The following CLEC12A variants were observed in gnomAD, a reference collection of about 807,000 sequenced individuals.
The protein encoded by CLEC12A is C-type lectin domain family 12 member A.
Under a neutral mutation model 26.5 loss-of-function variants are expected in CLEC12A, and 22 were observed. The observed-to-expected ratio is 0.83, with a 90% confidence interval of 0.59 to 1.19. The LOEUF (loss-of-function observed/expected upper bound fraction) is 1.19. Among genes scored for constraint, CLEC12A ranks in the 50% most tolerant of loss-of-function variants. The probability of loss-of-function intolerance (pLI) is 0.00; values close to 1 mark genes in which losing one functional copy is unlikely to be tolerated. For synonymous variants in CLEC12A, 119 were observed against 101.9 expected (o/e 1.17, Z -1.01); for missense variants, 353 against 315.6 (o/e 1.12, Z -0.90).
chr12:9,988,718 G>A (rs1300359181), downstream of CLEC12A, among the ~76,000 whole-genome samples: 2 of 152,188 alleles, frequency 1.3e-5, no homozygotes, highest in African/African-American at 2.4e-5. Context: ...GAGACAACAG[G>A]TGCTGGAGAG....
the CLEC12A span, among the ~76,000 whole-genome samples, chr12:10,002,958 C>T: frequency 6.6e-6 from 1 of 152,020 alleles, no homozygotes; most frequent in Non-Finnish European, 1.5e-5. Context: ...TAAGACTGAT[C>T]AATATACAGG....
intron 1 of CLEC12A, among the ~76,000 whole-genome samples, chr12:9,955,179 C>T (rs978060903): frequency 5.3e-5 from 8 of 152,136 alleles, no homozygotes; most frequent in South Asian, 2.1e-4. Context: ...CTCTGCCTCC[C>T]GGGTTCACGC....
At chr12:9,964,851 G>A (rs985071146) in intron 1 of CLEC12A, among the ~76,000 whole-genome samples, 9 of 152,220 alleles carry the variant, frequency 5.9e-5, no homozygotes, top group South Asian at 2.1e-4. Flanking sequence ...TGAGGAACAC[G>A]AAAGAAGGAA....
At chr12:9,983,069 G>T (rs1864626006) in intron 5 of CLEC12A, among the ~76,000 whole-genome samples, 2 of 152,016 alleles carry the variant, frequency 1.3e-5, no homozygotes, top group South Asian at 4.1e-4. Flanking sequence ...TGGACACTTA[G>T]GACAGTTCCA....
exon 1 of CLEC12A, chr12:9,951,338 G>T: frequency 1.4e-6 from 1 of 702,966 alleles, no homozygotes; most frequent in South Asian, 1.5e-5. Flanking sequence ...TTTCAAATTT[G>T]ACTTCTGCAT....
chr12:9,982,337 T>C (rs1045153765), intron 5 of CLEC12A, among the ~76,000 whole-genome samples: 2 of 152,090 alleles, frequency 1.3e-5, no homozygotes, highest in Non-Finnish European at 2.9e-5. Flanking sequence ...CTAACAAAAT[T>C]ACAGCAGCCA....
downstream of CLEC12A, among the ~76,000 whole-genome samples, chr12:9,996,018 C>A (rs969732463): frequency 6.6e-6 from 1 of 151,930 alleles, no homozygotes; most frequent in East Asian, 1.9e-4. Context: ...ATGTGAAGGC[C>A]AAATGCTTAT....
rs1344167876 is a variant in CLEC12A at position 9,979,460 on chromosome 12, C to A, written c.315C>A (p.Asn105Lys). The change falls in exon 3 of 6, where the codon AAC (asparagine) becomes AAA (lysine). Residue 105 changes from asparagine to lysine, a missense_variant. Asn to Lys is a moderately conservative substitution (Grantham distance 94, BLOSUM62 0). Transcript: ENST00000304361. ...SNMNISNKIR[N>K]LSTTLQTIAT... Reference sequence around the variant, plus strand: ...TGAATATCTCCAACAAGATCAGGAACCTCTCCACCACACTGCAAACAATAG... The same window carrying A: ...TGAATATCTCCAACAAGATCAGGAAACTCTCCACCACACTGCAAACAATAG... 5 of 1,613,318 alleles carry A rather than the reference C, an allele frequency of 3.1e-6. No homozygotes were observed. The highest frequency in any genetic ancestry group is 1.7e-5 in the Admixed American group (1 of 59,932).
intron 1 of CLEC12A, among the ~76,000 whole-genome samples, chr12:9,959,468 GAAGA>G (rs1565547077): frequency 7.1e-6 from 1 of 140,622 alleles, no homozygotes; most frequent in Non-Finnish European, 1.6e-5. Flanking sequence ...AAAAAAAAAA[GAAGA>G]AAGAAATATT....
chr12:9,975,239 TTGGGAC>T (rs1864291331), intron 1 of CLEC12A, among the ~76,000 whole-genome samples: 2 of 152,154 alleles, frequency 1.3e-5, no homozygotes, highest in Non-Finnish European at 2.9e-5. Flanking sequence ...GAAAGAGACT[TTGGGAC>T]TGGGCAACAG....
the CLEC12A span, among the ~76,000 whole-genome samples, chr12:10,004,936 C>T: frequency 1.3e-5 from 2 of 149,060 alleles, no homozygotes; most frequent in African/African-American, 2.5e-5. Flanking sequence ...CCACGACAGG[C>T]CCCGGTGTGT....
chr12:9,997,660 A>G (rs137925362), downstream of CLEC12A, among the ~76,000 whole-genome samples: 48 of 152,314 alleles, frequency 3.2e-4, no homozygotes, highest in African/African-American at 1.1e-3. Context: ...AAAAATACAT[A>G]CTGATTTCTT....
chr12:9,959,197 T>G (rs1312995606), intron 1 of CLEC12A, among the ~76,000 whole-genome samples: 3 of 152,020 alleles, frequency 2.0e-5, no homozygotes, highest in Non-Finnish European at 4.4e-5. Flanking sequence ...ACTCCTGTGA[T>G]CCCTGCACTT....
chr12:9,984,331 A>G (rs1864686397), intron 5 of CLEC12A: 1 of 152,322 alleles, frequency 6.6e-6, no homozygotes, highest in Admixed American at 6.5e-5. Flanking sequence ...TTTAATTTAT[A>G]AATTTGTTTT....
At chr12:9,957,921 TAGG>T (rs1863769510) in intron 1 of CLEC12A, among the ~76,000 whole-genome samples, 2 of 152,284 alleles carry the variant, frequency 1.3e-5, no homozygotes, top group South Asian at 4.1e-4. Flanking sequence ...AAAATTAAAG[TAGG>T]AGAATATTGG....
chr12:9,989,859 C>T (rs1864853421), downstream of CLEC12A, among the ~76,000 whole-genome samples: 1 of 152,064 alleles, frequency 6.6e-6, no homozygotes, highest in Admixed American at 6.6e-5. Context: ...CAGCTGATGA[C>T]TTTAAGTTAA....
intron 1 of CLEC12A, among the ~76,000 whole-genome samples, chr12:9,976,199 G>T (rs1864328420): frequency 1.3e-5 from 2 of 152,152 alleles, no homozygotes; most frequent in Admixed American, 1.3e-4. Context: ...GTGAGAAGTG[G>T]ACCACCGTCC....
chr12:9,976,399 G>A (rs73048879), intron 1 of CLEC12A, among the ~76,000 whole-genome samples: 2 of 152,324 alleles, frequency 1.3e-5, no homozygotes, highest in East Asian at 1.9e-4. Flanking sequence ...GAGATATAGA[G>A]CCAAAGGAGA....
the CLEC12A span, among the ~76,000 whole-genome samples, chr12:10,004,913 CA>C: frequency 6.7e-6 from 1 of 149,458 alleles, no homozygotes; most frequent in Non-Finnish European, 1.5e-5. Context: ...TATCCCTCCC[CA>C]CTCCCCCGAC....
Sources: allele counts gnomAD v4.1 joint callset (sites outside exome capture counted in the v4.1 genomes callset), GRCh38; gene constraint gnomAD v4.1.1; transcripts MANE v1.5; gene names NCBI Gene and HGNC (gene_info 2026-07-23, HGNC 2026-07-21).